The following TMEM108 variants were observed in gnomAD, a reference collection of about 807,000 sequenced individuals.
TMEM108 encodes transmembrane protein 108, also known as cancer/testis antigen 124.
Under a neutral mutation model 35.1 loss-of-function variants are expected in TMEM108, and 12 were observed. The observed-to-expected ratio is 0.34, with a 90% CI of 0.22 to 0.55. The LOEUF (loss-of-function observed/expected upper bound fraction) is 0.55, where lower values mean the gene tolerates loss of function less well. Ranked by LOEUF, TMEM108 falls within the 20% of genes least tolerant of loss-of-function variation. The pLI, the probability that TMEM108 is intolerant of heterozygous loss-of-function variation, is 0.89. For missense variants in TMEM108, 680 were observed against 753.3 expected, an observed-to-expected ratio of 0.90 and a Z score of 1.14; for synonymous variants, 287 against 308.6, an observed-to-expected ratio of 0.93 and a Z score of 0.73.
chr3:133,330,434 G>C (rs1234787641), intron 3 of TMEM108, among the ~76,000 whole-genome samples: 1 of 152,288 alleles, frequency 6.6e-6, no homozygotes, highest in Non-Finnish European at 1.5e-5. Context: ...GTGTGTAAGA[G>C]AGAGAATATG....
intron 3 of TMEM108, among the ~76,000 whole-genome samples, chr3:133,322,637 A>G (rs187700823): frequency 3.3e-4 from 51 of 152,338 alleles, no homozygotes; most frequent in Admixed American, 7.2e-4. Flanking sequence ...CAAAAGATAG[A>G]GAAACAGGGA....
chr3:133,217,833 G>A (rs974431917), intron 2 of TMEM108, among the ~76,000 whole-genome samples: 36 of 151,784 alleles, frequency 2.4e-4, no homozygotes, highest in Non-Finnish European at 3.0e-5. Context: ...GTTTTGTGGT[G>A]TATTTTGAAG....
chr3:133,110,351 A>C (rs1470461642), intron 2 of TMEM108, among the ~76,000 whole-genome samples: 1 of 152,196 alleles, frequency 6.6e-6, no homozygotes. Flanking sequence ...GGTGCTGGCT[A>C]TGTGCGTCAG....
intron 2 of TMEM108, among the ~76,000 whole-genome samples, chr3:133,197,316 C>T (rs1198514175): frequency 6.6e-6 from 1 of 152,038 alleles, no homozygotes; most frequent in Non-Finnish European, 1.5e-5. Flanking sequence ...CAAAGCACAG[C>T]CTAAGGCAAG....
rs571741354 is a variant in TMEM108 at position 133,328,710 on chromosome 3, G to A, written c.41-51042G>A. On this transcript the variant is annotated intron_variant, in intron 3 of 5. Transcript: ENST00000321871. ...CATGCTGTCAGACTGTCATGCAGCT[G>A]CAGACAGAATCCATCCCCAGAGAAC... is the stretch of plus-strand genomic sequence containing the variant. Among the ~76,000 whole-genome samples, 329 of 152,288 alleles carry A rather than the reference G, an allele frequency of 2.2e-3. 2 individuals carry two copies. Among genetic ancestry groups the A allele is most frequent in the African/African-American group, 6.7e-3 (279 of 41,566 alleles).
intron 2 of TMEM108, among the ~76,000 whole-genome samples, chr3:133,074,529 G>A (rs1207807333): frequency 1.3e-5 from 2 of 152,048 alleles, no homozygotes; most frequent in African/African-American, 2.4e-5. Flanking sequence ...TTGCTCTGTT[G>A]CCCAGGCTGG....
chr3:133,073,991 C>T (rs930398538), intron 2 of TMEM108, among the ~76,000 whole-genome samples: 15 of 151,878 alleles, frequency 9.9e-5, no homozygotes, highest in African/African-American at 3.4e-4. Flanking sequence ...TCCTTTGCCC[C>T]CCATTTTTTA....
chr3:133,332,034 G>A (rs991204376), intron 3 of TMEM108, among the ~76,000 whole-genome samples: 1 of 152,076 alleles, frequency 6.6e-6, no homozygotes, highest in African/African-American at 2.4e-5. Flanking sequence ...CATGTTGGTT[G>A]GAAGAAAACT....
At chr3:133,292,649 T>A in intron 3 of TMEM108, among the ~76,000 whole-genome samples, 1 of 152,212 alleles carries the variant, frequency 6.6e-6, no homozygotes, top group Non-Finnish European at 1.5e-5. Flanking sequence ...ATGGGGACCC[T>A]GGAGACAGTT....
At chr3:133,226,572 C>T (rs1458999046) in intron 2 of TMEM108, among the ~76,000 whole-genome samples, 2 of 152,010 alleles carry the variant, frequency 1.3e-5, no homozygotes, top group Non-Finnish European at 2.9e-5. Flanking sequence ...GCTTCAAATC[C>T]AAAGGGAAGA....
intron 3 of TMEM108, among the ~76,000 whole-genome samples, chr3:133,306,673 C>T (rs978733512): frequency 1.3e-5 from 2 of 152,142 alleles, no homozygotes; most frequent in Admixed American, 1.3e-4. Context: ...CAGCTTCATC[C>T]ATGTCCCTGC....
chr3:133,316,064 C>CA (rs1203914739), intron 3 of TMEM108, among the ~76,000 whole-genome samples: 11 of 152,280 alleles, frequency 7.2e-5, no homozygotes, highest in African/African-American at 2.6e-4. Context: ...AATAAAAAGA[C>CA]AAACATTTCT....
At chr3:133,304,607 C>G (rs1297910650) in intron 3 of TMEM108, among the ~76,000 whole-genome samples, 1 of 152,104 alleles carries the variant, frequency 6.6e-6, no homozygotes, top group Admixed American at 6.5e-5. Flanking sequence ...TCTGTATAGT[C>G]TCTTGCATCT....
chr3:133,377,492 T>C (rs2072877544), intron 3 of TMEM108, among the ~76,000 whole-genome samples: 1 of 152,232 alleles, frequency 6.6e-6, no homozygotes, highest in Admixed American at 6.5e-5. Flanking sequence ...AGGATAAGCA[T>C]GCACTTTAAA....
intron 3 of TMEM108, among the ~76,000 whole-genome samples, chr3:133,379,448 C>T (rs1408525214): frequency 6.6e-6 from 1 of 152,132 alleles, no homozygotes; most frequent in Non-Finnish European, 1.5e-5. Flanking sequence ...GAAAAGTTGC[C>T]CTTGTGGGGA....
chr3:133,136,352 G>A (rs1219837380), intron 2 of TMEM108, among the ~76,000 whole-genome samples: 2 of 152,204 alleles, frequency 1.3e-5, no homozygotes, highest in East Asian at 1.9e-4. Flanking sequence ...CAAGAGAAGA[G>A]GGGAGGGAAA....
chr3:133,050,009 A>T (rs1943384388), intron 2 of TMEM108, among the ~76,000 whole-genome samples: 1 of 152,208 alleles, frequency 6.6e-6, no homozygotes, highest in Non-Finnish European at 1.5e-5. Context: ...AACATGGAAG[A>T]ATTTTCAGTT....
At chr3:133,280,365 A>G (rs1202738403) in intron 3 of TMEM108, among the ~76,000 whole-genome samples, 2 of 152,198 alleles carry the variant, frequency 1.3e-5, no homozygotes, top group Non-Finnish European at 2.9e-5. Flanking sequence ...GGCATGCTCT[A>G]TATCCTGTGC....
intron 3 of TMEM108, among the ~76,000 whole-genome samples, chr3:133,349,767 A>G (rs1293120131): frequency 6.6e-6 from 1 of 152,178 alleles, no homozygotes; most frequent in Non-Finnish European, 1.5e-5. Context: ...ATTATTTTAA[A>G]AGAGACAAAA....
Sources: gnomAD v4.1 joint callset for allele counts (sites outside exome capture counted in the v4.1 genomes callset) on GRCh38, gnomAD v4.1.1 for gene constraint, MANE v1.5 for transcripts, NCBI Gene and HGNC (gene_info 2026-07-23, HGNC 2026-07-21) for gene names.